The following STK3 variants were observed in gnomAD, a reference collection of about 807,000 sequenced individuals.
STK3 encodes serine/threonine-protein kinase 3.
Under a neutral mutation model 58.0 loss-of-function variants are expected in STK3, and 41 were observed. The ratio of observed to expected loss-of-function variants is 0.71; its 90% CI spans 0.55 to 0.92. The LOEUF is 0.92. STK3 is among the 40% of genes least tolerant of loss of function. The pLI, the probability that STK3 is intolerant of heterozygous loss-of-function variation, is 0.00. For synonymous variants in STK3, 170 were observed against 191.0 expected (o/e 0.89, Z 0.91); for missense variants, 479 against 602.7 (o/e 0.79, Z 2.15).
At chr8:98,414,242 C>T (rs937084418) in intron 3 of STK3, among the ~76,000 whole-genome samples, 8 of 151,758 alleles carry the variant, frequency 5.3e-5, no homozygotes, top group Admixed American at 4.6e-4. Flanking sequence ...CCAGCCTGGG[C>T]GACAGAGCAA....
At chr8:98,505,522 G>C (rs1429203415) in intron 10 of STK3, among the ~76,000 whole-genome samples, 1 of 152,142 alleles carries the variant, frequency 6.6e-6, no homozygotes, top group Non-Finnish European at 1.5e-5. Flanking sequence ...CCTTATCTTT[G>C]TGGTTTTTAT....
intron 6 of STK3, among the ~76,000 whole-genome samples, chr8:98,655,654 C>G (rs909328157): frequency 6.6e-6 from 1 of 151,524 alleles, no homozygotes; most frequent in South Asian, 2.1e-4. Flanking sequence ...AAACAAACAA[C>G]CCCATCAAAA....
chr8:98,466,562 C>T lies in STK3; in HGVS notation c.1318-10562G>A, dbSNP rs186308230. On this transcript the variant is annotated intron_variant, in intron 10 of 10. Coordinates refer to ENST00000419617, the MANE Select transcript of STK3 (RefSeq NM_006281.4). ...ATGATGTCTATATCTAGAACCTTCT[C>T]GCCGTCTCTTTCTAAGGTCTGGTTC... is the stretch of plus-strand genomic sequence containing the variant. 3.9e-5 allele frequency among the ~76,000 whole-genome samples: 6 copies of T among 152,258 alleles called. No homozygotes were observed. The East Asian group carries it at 9.7e-4, about 25-fold the overall frequency.
intron 6 of STK3, among the ~76,000 whole-genome samples, chr8:98,650,536 G>C (rs752222105): frequency 6.6e-6 from 1 of 152,256 alleles, no homozygotes; most frequent in Non-Finnish European, 1.5e-5. Flanking sequence ...GCAGGGAGAG[G>C]TATTGCCTCA....
intron 3 of STK3, among the ~76,000 whole-genome samples, chr8:98,753,419 G>T (rs1057278214): frequency 6.6e-6 from 1 of 152,152 alleles, no homozygotes; most frequent in African/African-American, 2.4e-5. Flanking sequence ...GGAGCTAAAT[G>T]ATGAGGACAC....
intron 1 of STK3, among the ~76,000 whole-genome samples, chr8:98,801,116 ACT>A (rs750316745): frequency 2.0e-4 from 30 of 152,030 alleles, no homozygotes; most frequent in Non-Finnish European, 3.8e-4. Flanking sequence ...ACCAATCAGC[ACT>A]CTGTGTCTAG....
intron 3 of STK3, chr8:98,432,897 G>T: frequency 6.1e-6 from 1 of 164,040 alleles, no homozygotes. Flanking sequence ...CTCGATTCGG[G>T]AATGGGCAGT....
intron 6 of STK3, among the ~76,000 whole-genome samples, chr8:98,621,101 T>C (rs1017155279): frequency 6.6e-6 from 1 of 152,132 alleles, no homozygotes; most frequent in African/African-American, 2.4e-5. Context: ...AGCTAATTTT[T>C]TGTATTTTTA....
chr8:98,647,639 A>C (rs1367758885), intron 6 of STK3, among the ~76,000 whole-genome samples: 1 of 152,112 alleles, frequency 6.6e-6, no homozygotes, highest in Admixed American at 6.6e-5. Flanking sequence ...TCAGCCTCTC[A>C]GGGTCCACAG....
downstream of STK3, among the ~76,000 whole-genome samples, chr8:98,367,390 C>G (rs1817574486): frequency 6.6e-6 from 1 of 152,200 alleles, no homozygotes; most frequent in Non-Finnish European, 1.5e-5. Flanking sequence ...ATCGCTCCCC[C>G]TTCCACTCTT....
chr8:98,364,104 C>T, the STK3 span, among the ~76,000 whole-genome samples: 5 of 152,212 alleles, frequency 3.3e-5, no homozygotes, highest in African/African-American at 4.8e-5. Flanking sequence ...TGGGAGGCAG[C>T]GAGCCTGGGG....
intron 1 of STK3, among the ~76,000 whole-genome samples, chr8:98,911,728 G>A (rs975029760): frequency 3.9e-5 from 6 of 151,932 alleles, no homozygotes; most frequent in African/African-American, 1.2e-4. Context: ...CAAAACAATC[G>A]TGTTAGTATA....
intron 3 of STK3, among the ~76,000 whole-genome samples, chr8:98,766,597 G>A (rs1230226012): frequency 6.6e-6 from 1 of 151,854 alleles, no homozygotes; most frequent in Non-Finnish European, 1.5e-5. Context: ...TTCTTTTTTG[G>A]TAGAGAAAGG....
intron 3 of STK3, among the ~76,000 whole-genome samples, chr8:98,407,606 T>G (rs117305304): frequency 0.018 from 2,741 of 152,288 alleles, 269 homozygotes; most frequent in Admixed American, 0.15. Flanking sequence ...TGGAGCTGAT[T>G]CTACAGACCA....
chr8:98,832,186 G>C (rs2131784888), intron 3 of STK3, among the ~76,000 whole-genome samples: 2 of 150,268 alleles, frequency 1.3e-5, no homozygotes, highest in Middle Eastern at 3.5e-3. Flanking sequence ...AAAGAAGGAA[G>C]AATGAGACGG....
intron 9 of STK3, among the ~76,000 whole-genome samples, chr8:98,540,230 T>C (rs1810127535): frequency 6.6e-6 from 1 of 152,214 alleles, no homozygotes; most frequent in Admixed American, 6.5e-5. Flanking sequence ...TATTTCCTTG[T>C]TCTAAAAAGT....
chr8:98,534,675 G>A (rs1405832946), intron 9 of STK3, among the ~76,000 whole-genome samples: 2 of 152,122 alleles, frequency 1.3e-5, no homozygotes, highest in Non-Finnish European at 2.9e-5. Flanking sequence ...AACATTTTCA[G>A]CAGATTTTTA....
intron 4 of STK3, among the ~76,000 whole-genome samples, chr8:98,716,441 A>C (rs528651457): frequency 1.3e-5 from 2 of 152,132 alleles, no homozygotes; most frequent in South Asian, 4.1e-4. Context: ...TTTATTTTAA[A>C]GAATAAAATA....
Position 98,496,364 on chromosome 8 carries a change from A to T in STK3, c.1317+30378T>A, listed in dbSNP as rs540065245. Among the ~76,000 whole-genome samples the T allele has an allele frequency of 3.3e-5, 5 of 152,328 alleles. No individual in the cohort carries two copies. The East Asian group carries it at 9.6e-4, about 29-fold the overall frequency. On this transcript the variant is annotated intron_variant, in intron 10 of 10. Coordinates refer to ENST00000419617, the MANE Select transcript of STK3 (RefSeq NM_006281.4). Reference sequence around the variant, plus strand: ...AATATCAATTGTATTTCTATGCAGCAGCAATGAGCAAACAAAAATGAAATT... The same window carrying T: ...AATATCAATTGTATTTCTATGCAGCTGCAATGAGCAAACAAAAATGAAATT...
Sources: gnomAD v4.1 joint callset for allele counts (sites outside exome capture counted in the v4.1 genomes callset) on GRCh38, gnomAD v4.1.1 for gene constraint, MANE v1.5 for transcripts, NCBI Gene and HGNC (gene_info 2026-07-23, HGNC 2026-07-21) for gene names.